The following TRIML1 variants were observed in gnomAD, a reference collection of about 807,000 sequenced individuals.
TRIML1 encodes tripartite motif family like 1, also known as probable E3 ubiquitin-protein ligase TRIML1.
A neutral mutation model predicts 32.3 loss-of-function variants in TRIML1; 34 were observed. The observed-to-expected ratio is 1.05, with a 90% CI of 0.80 to 1.40. The LOEUF (loss-of-function observed/expected upper bound fraction) is 1.40, where lower values mean the gene tolerates loss of function less well. TRIML1 is among the 40% of genes most tolerant of loss of function. The pLI is 0.00. For missense variants in TRIML1, 595 were observed against 574.9 expected, an observed-to-expected ratio of 1.03 and a Z score of -0.36; for synonymous variants, 244 against 226.6, an observed-to-expected ratio of 1.08 and a Z score of -0.69.
downstream of TRIML1, among the ~76,000 whole-genome samples, chr4:188,149,772 T>C (rs911020663): frequency 2.0e-5 from 3 of 152,218 alleles, no homozygotes; most frequent in East Asian, 1.9e-4. Flanking sequence ...CCTTAGACTA[T>C]CTGTGGCCCA....
intron 2 of TRIML1, 74 bp from the exon 3 acceptor site, chr4:188,142,178 C>G (rs189125581): frequency 5.7e-6 from 6 of 1,058,852 alleles, no homozygotes; most frequent in Non-Finnish European, 8.3e-6. Flanking sequence ...AATCTACAGA[C>G]AAGGGCATTT....
intron 2 of TRIML1, among the ~76,000 whole-genome samples, chr4:188,141,249 C>A (rs1422356206): frequency 6.7e-6 from 1 of 148,976 alleles, no homozygotes; most frequent in East Asian, 2.1e-4. Flanking sequence ...CTCACTGCAA[C>A]CTCCACCTCC....
At chr4:188,137,697 G>A (rs1380736175), upstream of TRIML1, among the ~76,000 whole-genome samples, 3 of 148,720 alleles carry the variant, frequency 2.0e-5, no homozygotes, top group Non-Finnish European at 1.5e-5. Context: ...GGCTGGTCTC[G>A]AACTCCCGAC....
chr4:188,146,666 C>A (rs1735091026), intron 5 of TRIML1, among the ~76,000 whole-genome samples, 156 bp from the exon 6 acceptor site: 1 of 152,134 alleles, frequency 6.6e-6, no homozygotes, highest in Admixed American at 6.6e-5. Flanking sequence ...CCTCACCCTC[C>A]CAAAGTGCTG....
chr4:188,142,353 G>A lies in TRIML1; in HGVS notation c.606G>A (p.Gln202=). 6.2e-7 allele frequency: 1 copy of A among 1,613,550 alleles called. No homozygotes were observed. Among genetic ancestry groups the A allele is most frequent in the Non-Finnish European group, 8.5e-7 (1 of 1,179,966 alleles). Residue 202 remains glutamine, a synonymous_variant, in exon 3 of 6, where the codon CAG becomes CAA. Transcript: ENST00000332517. ...AGCTGCAACTCCAGCTACTAGAACAGGAAGAGAAAGAGAACATGAGGAAGC... is the reference window on the plus strand; with the variant it reads ...AGCTGCAACTCCAGCTACTAGAACAAGAAGAGAAAGAGAACATGAGGAAGC... The part of the protein sequence containing the change: ...EEQLQLQLLE[Q]EEKENMRKLR...
intron 5 of TRIML1, among the ~76,000 whole-genome samples, chr4:188,144,516 C>T (rs1383456217): frequency 7.2e-6 from 1 of 139,634 alleles, no homozygotes; most frequent in Non-Finnish European, 1.6e-5. Flanking sequence ...GCGCCCGCCA[C>T]CACGCCTGGG....
intron 5 of TRIML1, 55 bp downstream of exon 5, chr4:188,144,188 A>T: frequency 6.9e-7 from 1 of 1,444,798 alleles, no homozygotes; most frequent in East Asian, 2.3e-5. Context: ...ACTTCAGCAT[A>T]CCTTCTTCCA....
chr4:188,139,871 C>T lies in TRIML1; in HGVS notation c.313C>T (p.Leu105Phe). 6.2e-7 allele frequency: 1 copy of T among 1,613,848 alleles called. No homozygotes were observed. The highest frequency in any genetic ancestry group is 8.5e-7 in the Non-Finnish European group (1 of 1,180,026). The change falls in exon 1 of 6, where the codon CTC becomes TTC. Residue 105 changes from leucine (L) to phenylalanine (F), a missense_variant. Transcript: ENST00000332517. ...YGRMPTTAKA[L>F]SDDEQGGSAF... ...GAGGATGCCCACCACTGCCAAGGCG[C>T]TCTCCGATGACGAGCAGGGTGGAAG...
chr4:188,140,484 TG>T, intron 1 of TRIML1, 43 bp from the exon 2 acceptor site: 1 of 1,519,440 alleles, frequency 6.6e-7, no homozygotes, highest in Non-Finnish European at 9.1e-7. Context: ...CTTCATGACC[TG>T]GGACTCTGCT....
Position 188,143,862 on chromosome 4 carries a change from T to C in TRIML1, c.758+2T>C, listed in dbSNP as rs748997565. ...GGAAGTGAGAGGAGCCCTGGAAAGG[T>C]AGGCTTTCATTCTGTGTTCAGTTAT... On this transcript the variant is annotated splice_donor_variant, in intron 4 of 5. Coordinates refer to ENST00000332517, the MANE Select transcript of TRIML1 (RefSeq NM_178556.5). LOFTEE classifies it high-confidence loss of function. 3 of 1,614,192 alleles carry C rather than the reference T, an allele frequency of 1.9e-6. No homozygotes were observed. Among genetic ancestry groups the C allele is most frequent in the Non-Finnish European group, 2.5e-6 (3 of 1,180,030 alleles).
intron 2 of TRIML1, among the ~76,000 whole-genome samples, chr4:188,141,765 G>A (rs967015634): frequency 1.3e-5 from 2 of 151,986 alleles, no homozygotes; most frequent in East Asian, 3.9e-4. Flanking sequence ...TACACCCAGC[G>A]CATCAACAGA....
At chr4:188,141,611 G>A (rs377279887) in intron 2 of TRIML1, among the ~76,000 whole-genome samples, 182 of 151,984 alleles carry the variant, frequency 1.2e-3, no homozygotes, top group African/African-American at 4.2e-3. Context: ...TGTTTTATTT[G>A]TATCATAGTC....
At chr4:188,145,310 T>C (rs920788851) in intron 5 of TRIML1, among the ~76,000 whole-genome samples, 1 of 150,782 alleles carries the variant, frequency 6.6e-6, no homozygotes, top group Non-Finnish European at 1.5e-5. Context: ...GGAGTGATGG[T>C]GGGCACCTGT....
At chr4:188,144,223 C>A in intron 5 of TRIML1, 90 bp downstream of exon 5, 1 of 1,172,756 alleles carries the variant, frequency 8.5e-7, no homozygotes, top group Non-Finnish European at 1.2e-6. Context: ...CGATCTGACA[C>A]GAGGCTCCTG....
chr4:188,147,245 C>G lies in TRIML1; in HGVS notation c.1280C>G (p.Ser427Cys). ...GCATTCTACAACGGGACGGATGAAT[C>G]CCTCATCTACAGCTTCCCGCAGGCT... Reference protein sequence around the residue: ...HIAFYNGTDESLIYSFPQASF... With the variant: ...HIAFYNGTDECLIYSFPQASF... The change falls in exon 6 of 6, where the codon TCC becomes TGC. Residue 427 changes from serine (S) to cysteine (C), a missense_variant. Ser to Cys is a moderately radical substitution (Grantham distance 112). Transcript: ENST00000332517. 1 of 1,604,134 alleles carries G rather than the reference C, an allele frequency of 6.2e-7. No individual in the cohort carries two copies. The highest frequency in any genetic ancestry group is 8.5e-7 in the Non-Finnish European group (1 of 1,174,692).
rs1306844673 is a variant in TRIML1 at position 188,141,627 on chromosome 4, C to T, written c.505-625C>T. Among the ~76,000 whole-genome samples, 4 of 152,202 alleles carry T rather than the reference C, an allele frequency of 2.6e-5. No homozygotes were observed. In the East Asian group the frequency reaches 7.7e-4, roughly 29 times the overall value. On this transcript the variant is annotated intron_variant, in intron 2 of 5. Transcript: ENST00000332517. ...GTTTTATTTGTATCATAGTCCTGAT[C>T]ACTACTTGTCATATTTCTTACTCAT...
At chr4:188,148,925 TTTTG>T, downstream of TRIML1, among the ~76,000 whole-genome samples, 1 of 107,798 alleles carries the variant, frequency 9.3e-6, no homozygotes, top group East Asian at 2.2e-4. Flanking sequence ...TTTTTTTTTT[TTTTG>T]AGACGGAGTA....
At chr4:188,148,914 T>A (rs1425440524), downstream of TRIML1, among the ~76,000 whole-genome samples, 1 of 129,860 alleles carries the variant, frequency 7.7e-6, no homozygotes, top group Non-Finnish European at 1.6e-5. Context: ...TTTTTTTTTT[T>A]TTTTTTTTTT....
upstream of TRIML1, among the ~76,000 whole-genome samples, chr4:188,138,523 C>T (rs1188215382): frequency 6.6e-6 from 1 of 152,030 alleles, no homozygotes; most frequent in African/African-American, 2.4e-5. Context: ...AGCTGACTCC[C>T]GAGCAGGGGA....
Sources: allele counts gnomAD v4.1 joint callset (sites outside exome capture counted in the v4.1 genomes callset), GRCh38; gene constraint gnomAD v4.1.1; transcripts MANE v1.5; gene names NCBI Gene and HGNC (gene_info 2026-07-23, HGNC 2026-07-21).